PGLYRP4: variants seen among roughly 807,000 people sequenced by gnomAD.
PGLYRP4 encodes the protein PGRP-I-beta.
A neutral mutation model predicts 41.2 loss-of-function variants in PGLYRP4; 39 were observed. The ratio of observed to expected loss-of-function variants is 0.95; its 90% CI spans 0.73 to 1.24. The LOEUF (loss-of-function observed/expected upper bound fraction) is 1.24, where lower values mean the gene tolerates loss of function less well. PGLYRP4 is among the 50% of genes most tolerant of loss of function. PGLYRP4 has a pLI of 0.00. For synonymous variants in PGLYRP4, 202 were observed against 186.8 expected, an observed-to-expected ratio of 1.08 and a Z score of -0.66; for missense variants, 467 against 460.7, an observed-to-expected ratio of 1.01 and a Z score of -0.13.
intron 8 of PGLYRP4, among the ~76,000 whole-genome samples, chr1:153,332,125 T>A (rs918115286): frequency 6.6e-6 from 1 of 152,020 alleles, no homozygotes; most frequent in African/African-American, 2.4e-5. Context: ...GAGAAAGATA[T>A]TTCATGTAAA....
chr1:153,345,366 G>T lies in PGLYRP4; in HGVS notation c.156C>A (p.Val52=). Residue 52 remains valine (V), a synonymous_variant, in exon 4 of 9, where the codon GTC becomes GTA. Coordinates refer to ENST00000359650, the MANE Select transcript of PGLYRP4 (RefSeq NM_020393.4). The part of the protein sequence containing the change: ...QLTEKGLPTD[V]STTVSRKAWG... Reference sequence around the variant, plus strand: ...ATGCCTTGCGAGAGACCGTGGTGGAGACATCTGTGGGAAGGCCTTGGGGAC... The same window carrying T: ...ATGCCTTGCGAGAGACCGTGGTGGATACATCTGTGGGAAGGCCTTGGGGAC... The T allele has an allele frequency of 6.2e-7, 1 of 1,614,162 alleles. No homozygotes were observed. Among genetic ancestry groups the T allele is most frequent in the East Asian group, 2.2e-5 (1 of 44,892 alleles).
intron 8 of PGLYRP4, among the ~76,000 whole-genome samples, chr1:153,336,913 A>G (rs533547592): frequency 1.3e-5 from 2 of 152,252 alleles, no homozygotes; most frequent in South Asian, 4.1e-4. Context: ...AAGCACAAAG[A>G]TCTTTTCCCC....
intron 7 of PGLYRP4, among the ~76,000 whole-genome samples, chr1:153,338,584 A>G (rs1457456984): frequency 6.6e-6 from 1 of 152,206 alleles, no homozygotes; most frequent in Non-Finnish European, 1.5e-5. Flanking sequence ...CTGCCTCCCC[A>G]GCATCAGCTC....
intron 4 of PGLYRP4, 196 bp downstream of exon 4, chr1:153,344,973 G>A: frequency 1.7e-6 from 1 of 577,868 alleles, no homozygotes. Flanking sequence ...TTCCTCCTGG[G>A]AGCTCTCAGA....
At chr1:153,337,367 T>A in intron 7 of PGLYRP4, 68 bp from the exon 8 acceptor site, 1 of 927,234 alleles carries the variant, frequency 1.1e-6, no homozygotes, top group Non-Finnish European at 1.7e-6. Flanking sequence ...TTTCATGTAT[T>A]AATTTATTCA....
At chr1:153,345,127 C>A (rs1351823527) in intron 4 of PGLYRP4, 42 bp downstream of exon 4, 9 of 1,488,416 alleles carry the variant, frequency 6.0e-6, no homozygotes, top group Admixed American at 1.7e-5. Flanking sequence ...CCCAGGGAAG[C>A]AACACTGACC....
In PGLYRP4 at chr1:153,330,897, T is replaced by C. The variant is rs1159937045; in HGVS notation, c.992A>G (p.Gln331Arg). The change falls in exon 9 of 9, where the codon CAG becomes CGG. Residue 331 changes from glutamine (Q) to arginine (R), a missense_variant. Coordinates refer to ENST00000359650, the MANE Select transcript of PGLYRP4 (RefSeq NM_020393.4). ...AALEAAQDLIQCAMVKGYLTP... is the reference protein window; with the variant it reads ...AALEAAQDLIRCAMVKGYLTP... Reference sequence around the variant, plus strand: ...CAGGTACCCTTTGACCATGGCACACTGGATCAGGTCTTGGGCTGCCTCTAG... The same window carrying C: ...CAGGTACCCTTTGACCATGGCACACCGGATCAGGTCTTGGGCTGCCTCTAG... 3 of 1,614,010 alleles carry C rather than the reference T, an allele frequency of 1.9e-6. No individual in the cohort carries two copies. In the East Asian group the frequency reaches 6.7e-5, roughly 36 times the overall value.
chr1:153,339,967 G>C (rs1017405509), intron 7 of PGLYRP4, among the ~76,000 whole-genome samples: 1 of 152,194 alleles, frequency 6.6e-6, no homozygotes, highest in African/African-American at 2.4e-5. Flanking sequence ...CCATGAGGGG[G>C]AACCACTTCA....
intron 4 of PGLYRP4, 113 bp downstream of exon 4, chr1:153,345,056 A>G: frequency 1.3e-6 from 1 of 775,782 alleles, no homozygotes; most frequent in South Asian, 1.7e-5. Context: ...TTCATTATAA[A>G]ACATATAGGA....
rs137921947 is a variant in PGLYRP4 at position 153,347,198 on chromosome 1, C to A, written c.49+686G>T. Among the ~76,000 whole-genome samples, 22 of 152,136 alleles carry A rather than the reference C, an allele frequency of 1.4e-4. No individual in the cohort carries two copies. The East Asian group carries it at 4.1e-3, about 28-fold the overall frequency. ...AAGCAGTTCTCTCATGCCTCCCTCC[C>A]GAGTAGTTGGGACTACAGGAGCGCG... On this transcript the variant is annotated intron_variant, in intron 2 of 8. Coordinates refer to ENST00000359650, the MANE Select transcript of PGLYRP4 (RefSeq NM_020393.4).
At chr1:153,339,656 G>T (rs1470018992) in intron 7 of PGLYRP4, among the ~76,000 whole-genome samples, 1 of 152,102 alleles carries the variant, frequency 6.6e-6, no homozygotes, top group Non-Finnish European at 1.5e-5. Flanking sequence ...TTGTTTTGTG[G>T]ACTATTCATT....
intron 8 of PGLYRP4, among the ~76,000 whole-genome samples, chr1:153,334,387 T>C (rs1307587174): frequency 6.7e-6 from 1 of 149,468 alleles, no homozygotes; most frequent in Non-Finnish European, 1.5e-5. Flanking sequence ...GTATTCCTAG[T>C]GTGTATATAT....
chr1:153,331,370 G>C (rs550111889), intron 8 of PGLYRP4, among the ~76,000 whole-genome samples: 1 of 152,120 alleles, frequency 6.6e-6, no homozygotes, highest in Admixed American at 6.5e-5. Context: ...TGAATTATCT[G>C]AGCCAAAATA....
At chr1:153,348,135 C>CAT (rs1477500823) in intron 1 of PGLYRP4, among the ~76,000 whole-genome samples, 157 bp from the exon 2 acceptor site, 1 of 152,212 alleles carries the variant, frequency 6.6e-6, no homozygotes, top group African/African-American at 2.4e-5. Flanking sequence ...CAGCATACAG[C>CAT]AGGTGCTCAG....
chr1:153,330,752 G>C lies in PGLYRP4; in HGVS notation c.*15C>G. On this transcript the variant is annotated 3_prime_UTR_variant, in exon 9 of 9. Transcript: ENST00000359650. Reference sequence around the variant, plus strand: ...AGGGGAGGGAAAGCAGTCTCAGAAGGACCTGGGGCTTCTCTCAGTGTTTGA... The same window carrying C: ...AGGGGAGGGAAAGCAGTCTCAGAAGCACCTGGGGCTTCTCTCAGTGTTTGA... 4 of 1,609,018 alleles carry C rather than the reference G, an allele frequency of 2.5e-6. No individual in the cohort carries two copies. The South Asian group carries it at 4.4e-5, about 18-fold the overall frequency.
chr1:153,346,134 A>C lies in PGLYRP4; in HGVS notation c.107T>G (p.Leu36Arg). 6.2e-7 allele frequency: 1 copy of C among 1,613,852 alleles called. No individual in the cohort carries two copies. The highest frequency in any genetic ancestry group is 8.5e-7 in the Non-Finnish European group (1 of 1,179,756). ...AKQVSEGLQYLFENISQLTEK... is the reference protein window; with the variant it reads ...AKQVSEGLQYRFENISQLTEK... ...AGTGAGCTGGGAGATGTTCTCAAAT[A>C]GGTACTGGAGCCCCTCTGATACCTG... is the stretch of plus-strand genomic sequence containing the variant. Residue 36 changes from leucine to arginine, a missense_variant, in exon 3 of 9, where the codon CTA becomes CGA. Coordinates refer to ENST00000359650, the MANE Select transcript of PGLYRP4 (RefSeq NM_020393.4).
chr1:153,345,997 C>G (rs767720674), intron 3 of PGLYRP4, 105 bp downstream of exon 3: 8 of 821,604 alleles, frequency 9.7e-6, no homozygotes, highest in African/African-American at 1.7e-5. Context: ...ACCCCATTTT[C>G]CCCCTCCCAG....
chr1:153,346,629 G>A (rs939709836), intron 2 of PGLYRP4, among the ~76,000 whole-genome samples: 1 of 152,228 alleles, frequency 6.6e-6, no homozygotes, highest in Non-Finnish European at 1.5e-5. Context: ...ATTGATTTTA[G>A]GGACGTGTGC....
In PGLYRP4 at chr1:153,347,685, T is replaced by C. The variant is rs556065243; in HGVS notation, c.49+199A>G. On this transcript the variant is annotated intron_variant, in intron 2 of 8. Transcript: ENST00000359650. ...CCACCCCTGGCCAAGAGAGAGTAGT[T>C]TTTTTTGTTGTTGTTTGTTTGTTTT... 2.6e-5 allele frequency among the ~76,000 whole-genome samples: 4 copies of C among 151,944 alleles called. No individual in the cohort carries two copies. The South Asian group carries it at 6.2e-4, about 24-fold the overall frequency.
Sources: allele counts gnomAD v4.1 joint callset (sites outside exome capture counted in the v4.1 genomes callset), GRCh38; gene constraint gnomAD v4.1.1; transcripts MANE v1.5; gene names NCBI Gene and HGNC (gene_info 2026-07-23, HGNC 2026-07-21).